ARHGEF4: variants seen among roughly 807,000 people sequenced by gnomAD.
The protein encoded by ARHGEF4 is APC-stimulated guanine nucleotide exchange factor 1.
ARHGEF4 carries 119 observed loss-of-function variants against 162.0 expected under a neutral mutation model. That is an observed-to-expected ratio of 0.73 (90% CI 0.63 to 0.86). The LOEUF is 0.86. Ranked by LOEUF, ARHGEF4 falls within the 40% of genes least tolerant of loss-of-function variation. ARHGEF4 has a pLI of 0.00. For missense variants in ARHGEF4, 2,488 were observed against 2,456.0 expected, an observed-to-expected ratio of 1.01 and a Z score of -0.28; for synonymous variants, 1,014 against 979.9, an observed-to-expected ratio of 1.03 and a Z score of -0.65.
At chr2:131,006,165 G>A (rs145880813) in intron 4 of ARHGEF4, among the ~76,000 whole-genome samples, 16 of 152,252 alleles carry the variant, frequency 1.1e-4, no homozygotes, top group East Asian at 3.9e-4. Flanking sequence ...ACCTCAGTCC[G>A]ACAGCACTCT....
In ARHGEF4 at chr2:130,916,875, G is replaced by C; in HGVS notation, c.2929G>C (p.Glu977Gln). Residue 977 changes from glutamate to glutamine, a missense_variant, in exon 2 of 14, where the codon GAA becomes CAA. By Grantham distance (29) the Glu-to-Gln change is conservative. This residue lies in a region of ARHGEF4 where 1,642 missense variants were observed against 1,481.5 expected (regional missense o/e 1.11). Transcript: ENST00000409359. Reference protein sequence around the residue: ...PTLVSLPLGPEVLSPAETDSH... With the variant: ...PTLVSLPLGPQVLSPAETDSH... The stretch of plus-strand genomic sequence containing the variant: ...CCTAGTGAGTCTGCCTCTAGGACCC[G>C]AAGTTCTCTCCCCAGCAGAGACCGA... The C allele has an allele frequency of 3.2e-6, 5 of 1,550,468 alleles. No homozygotes were observed. Among genetic ancestry groups the C allele is most frequent in the Non-Finnish European group, 3.5e-6 (4 of 1,146,976 alleles).
chr2:130,851,249 G>A (rs1246395071), intron 1 of ARHGEF4, among the ~76,000 whole-genome samples: 1 of 152,264 alleles, frequency 6.6e-6, no homozygotes, highest in Non-Finnish European at 1.5e-5. Context: ...GGGAATGCAG[G>A]GCAGAGAGGA....
In ARHGEF4 at chr2:130,928,873, G is replaced by A. The variant is rs1682462230; in HGVS notation, c.3553-2079G>A. Among the ~76,000 whole-genome samples, 10 of 152,158 alleles carry A rather than the reference G, an allele frequency of 6.6e-5. 1 individual carries two copies. The South Asian group carries it at 2.1e-3, about 32-fold the overall frequency. On this transcript the variant is annotated intron_variant, in intron 2 of 13. Transcript: ENST00000409359. ...TGGCCCCCTCCCCTGGACACATGAG[G>A]ACCACCAGGACAGCCTGAGCTACCT...
At chr2:130,871,428 C>T (rs1005912418) in intron 1 of ARHGEF4, among the ~76,000 whole-genome samples, 2 of 151,742 alleles carry the variant, frequency 1.3e-5, no homozygotes, top group African/African-American at 2.4e-5. Flanking sequence ...CCCAGCTACT[C>T]GGGAGACTGA....
intron 5 of ARHGEF4, among the ~76,000 whole-genome samples, chr2:131,038,095 C>G (rs1160562617): frequency 1.3e-5 from 2 of 152,172 alleles, no homozygotes; most frequent in Non-Finnish European, 2.9e-5. Context: ...GAAAAACACA[C>G]AGTAAACAAG....
At chr2:130,934,019 C>A (rs1319972842) in intron 3 of ARHGEF4, among the ~76,000 whole-genome samples, 1 of 152,154 alleles carries the variant, frequency 6.6e-6, no homozygotes, top group Admixed American at 6.5e-5. Context: ...AGGATTAAAG[C>A]TTTCAGTCTT....
intron 1 of ARHGEF4, among the ~76,000 whole-genome samples, chr2:130,895,295 C>G (rs1208009232): frequency 6.6e-6 from 1 of 152,194 alleles, no homozygotes; most frequent in East Asian, 1.9e-4. Context: ...AGGGGTGGCC[C>G]GTGGTTCCTT....
chr2:130,981,453 G>C (rs536881832), intron 4 of ARHGEF4, among the ~76,000 whole-genome samples: 10 of 152,162 alleles, frequency 6.6e-5, no homozygotes, highest in Non-Finnish European at 1.3e-4. Context: ...AAGGTCGGGG[G>C]ATCGAGACCA....
chr2:130,873,731 C>G (rs1256191497), intron 1 of ARHGEF4, among the ~76,000 whole-genome samples: 1 of 151,984 alleles, frequency 6.6e-6, no homozygotes, highest in Non-Finnish European at 1.5e-5. Flanking sequence ...GAAGCCAGAT[C>G]GAGTGATCCT....
Position 130,926,048 on chromosome 2 carries a change from C to CTCTTTCTTTCTT in ARHGEF4, c.3553-4886_3553-4875dup, listed in dbSNP as rs370694048. The stretch of plus-strand genomic sequence containing the variant: ...TCTTTCTTTCTTTCTTTCTTTCTTT[C>CTCTTTCTTTCTT]TCTTTCTTTCTTTCTTTCTTTCTTT... On this transcript the variant is annotated intron_variant, in intron 2 of 13. Coordinates refer to ENST00000409359, the MANE Select transcript of ARHGEF4 (RefSeq NM_001367493.1). 3.5e-3 allele frequency among the ~76,000 whole-genome samples: 185 copies of CTCTTTCTTTCTT among 53,436 alleles called. 4 individuals are homozygous for CTCTTTCTTTCTT. The highest frequency in any genetic ancestry group is 9.6e-3 in the African/African-American group (156 of 16,266). 35.1% of individuals were successfully genotyped at this position (53,436 alleles called of 152,430 possible).
chr2:131,002,709 C>CAAAAAAAAAAAAAA (rs66979991), intron 4 of ARHGEF4, among the ~76,000 whole-genome samples: 1 of 53,218 alleles, frequency 1.9e-5, no homozygotes, highest in Non-Finnish European at 3.1e-5. Context: ...GACTCCGTCT[C>CAAAAAAAAAAAAAA]AAAAAAAAAA....
chr2:130,959,354 A>T (rs189638499), intron 4 of ARHGEF4, among the ~76,000 whole-genome samples: 11 of 152,312 alleles, frequency 7.2e-5, no homozygotes, highest in Non-Finnish European at 1.6e-4. Flanking sequence ...TCCAACACAA[A>T]GTGTCTGGGG....
chr2:130,904,337 GTTATA>G (rs1680684826), intron 1 of ARHGEF4, among the ~76,000 whole-genome samples: 1 of 152,136 alleles, frequency 6.6e-6, no homozygotes, highest in African/African-American at 2.4e-5. Context: ...CAGTTTGGGT[GTTATA>G]TTATGGGCCT....
Position 130,877,263 on chromosome 2 carries a change from AT to A in ARHGEF4, c.40-36722del, listed in dbSNP as rs1170992160. ...GAGGGGATGTGCTTTTTTAAAAAAA[AT>A]CATTTATTTTAAGATTTATTATTTT... On this transcript the variant is annotated intron_variant, in intron 1 of 13. Transcript: ENST00000409359. Among the ~76,000 whole-genome samples the A allele has an allele frequency of 5.3e-5, 8 of 152,210 alleles. 1 individual carries two copies. The highest frequency in any genetic ancestry group is 1.4e-4 in the African/African-American group (6 of 41,452).
At chr2:131,005,545 G>A (rs1558839959) in intron 4 of ARHGEF4, among the ~76,000 whole-genome samples, 2 of 152,216 alleles carry the variant, frequency 1.3e-5, no homozygotes, top group Admixed American at 1.3e-4. Context: ...AGATCTGTGA[G>A]TGAGATTTCT....
In ARHGEF4 at chr2:130,881,441, T is replaced by A. The variant is rs1029345348; in HGVS notation, c.40-32545T>A. On this transcript the variant is annotated intron_variant, in intron 1 of 13. Transcript: ENST00000409359. ...GGAGAGATGACAGTGAGTCAGAAACTAAAATCTTCAAGGGCTAAGGAGTGT... is the reference window on the plus strand; with the variant it reads ...GGAGAGATGACAGTGAGTCAGAAACAAAAATCTTCAAGGGCTAAGGAGTGT... Among the ~76,000 whole-genome samples, 6 of 152,036 alleles carry A rather than the reference T, an allele frequency of 3.9e-5. No homozygotes were observed. In the East Asian group the frequency reaches 1.2e-3, roughly 30 times the overall value.
intron 4 of ARHGEF4, among the ~76,000 whole-genome samples, chr2:130,981,237 A>C (rs184994125): frequency 3.3e-5 from 5 of 152,238 alleles, no homozygotes; most frequent in African/African-American, 1.2e-4. Flanking sequence ...TAGAACAAAT[A>C]ATGACTTGCT....
At chr2:131,036,188 C>T (rs1573683901) in intron 5 of ARHGEF4, among the ~76,000 whole-genome samples, 1 of 152,228 alleles carries the variant, frequency 6.6e-6, no homozygotes, top group South Asian at 2.1e-4. Flanking sequence ...ACGCACCCAG[C>T]GCAATAGCAT....
At chr2:130,963,266 C>G (rs1239779434) in intron 4 of ARHGEF4, among the ~76,000 whole-genome samples, 1 of 152,142 alleles carries the variant, frequency 6.6e-6, no homozygotes, top group Non-Finnish European at 1.5e-5. Flanking sequence ...AGGAGGGTCG[C>G]AGGCGCCCGG....
Sources: gnomAD v4.1 joint callset for allele counts (sites outside exome capture counted in the v4.1 genomes callset) on GRCh38, gnomAD v4.1.1 for gene constraint, gnomAD v4.1.1 regional missense constraint, MANE v1.5 for transcripts, NCBI Gene and HGNC (gene_info 2026-07-23, HGNC 2026-07-21) for gene names.